KANK1: variants seen among roughly 807,000 people sequenced by gnomAD.
KANK1 encodes KN motif and ankyrin repeat domain-containing protein 1.
A neutral mutation model predicts 106.2 loss-of-function variants in KANK1; 109 were observed. The ratio of observed to expected loss-of-function variants is 1.03; its 90% CI spans 0.88 to 1.20. KANK1 has a LOEUF of 1.20. KANK1 is among the 50% of genes most tolerant of loss of function. The pLI is 0.00. For synonymous variants in KANK1, 873 were observed against 652.2 expected (o/e 1.34, Z -5.16); for missense variants, 2,399 against 1,710.7 (o/e 1.40, Z -7.10).
At chr9:623,809 G>C (rs1029833152) in intron 1 of KANK1, among the ~76,000 whole-genome samples, 1 of 152,082 alleles carries the variant, frequency 6.6e-6, no homozygotes, top group African/African-American at 2.4e-5. Flanking sequence ...AATTGGTACA[G>C]CCATTATGGA....
chr9:744,102 C>T (rs1248971197), intron 10 of KANK1, among the ~76,000 whole-genome samples: 1 of 152,144 alleles, frequency 6.6e-6, no homozygotes, highest in Non-Finnish European at 1.5e-5. Context: ...ATCACAGTGC[C>T]CTCTCTAAGA....
chr9:483,927 T>C (rs2058249188), intron 3 of KANK1, among the ~76,000 whole-genome samples: 1 of 152,156 alleles, frequency 6.6e-6, no homozygotes, highest in Non-Finnish European at 1.5e-5. Context: ...CAGGTATGAT[T>C]TGAAGAGAAG....
intron 11 of KANK1, 86 bp from the exon 12 acceptor site, chr9:745,087 G>A (rs1836840897): frequency 7.7e-6 from 12 of 1,555,406 alleles, no homozygotes; most frequent in Non-Finnish European, 1.0e-5. Flanking sequence ...TGTTGCCTGT[G>A]GTGGGCCAAG....
chr9:560,535 C>T (rs764431921), intron 1 of KANK1, among the ~76,000 whole-genome samples: 9 of 152,134 alleles, frequency 5.9e-5, no homozygotes, highest in Admixed American at 3.9e-4. Context: ...CAGCCAGGAG[C>T]GAAATGTCTT....
chr9:497,127 C>G (rs189486269), intron 3 of KANK1, among the ~76,000 whole-genome samples: 19 of 152,082 alleles, frequency 1.2e-4, no homozygotes, highest in South Asian at 2.1e-4. Flanking sequence ...TCCTTTCAAA[C>G]AGTTGTTTCC....
intron 1 of KANK1, among the ~76,000 whole-genome samples, chr9:595,140 A>G (rs899909017): frequency 1.3e-5 from 2 of 151,872 alleles, no homozygotes; most frequent in African/African-American, 2.4e-5. Flanking sequence ...ATGGCCCGGC[A>G]TGGTGGCACA....
rs1248799769 is a variant in KANK1 at position 731,171 on chromosome 9, T to C, written c.2910T>C (p.Asn970=). 2.5e-6 allele frequency: 4 copies of C among 1,604,974 alleles called. No individual in the cohort carries two copies. The highest frequency in any genetic ancestry group is 3.4e-6 in the Non-Finnish European group (4 of 1,172,732). ...IAAGLYACTN[N]ESTLKSIMKK... is the part of the protein sequence containing the mutation. ...ACTTTTTCACAGCATGTACAAACAA[T>C]GAAAGTACACTGAAGTCCATCATGA... The change falls in exon 5 of 12, where the codon AAT becomes AAC. Residue 970 remains asparagine (N), a synonymous_variant. Transcript: ENST00000382297.
chr9:500,566 C>T (rs1307331641), upstream of KANK1, among the ~76,000 whole-genome samples: 1 of 152,132 alleles, frequency 6.6e-6, no homozygotes, highest in African/African-American at 2.4e-5. Flanking sequence ...CAGAAAACAA[C>T]AAGTGAAACT....
At chr9:607,072 G>A (rs867208021) in intron 1 of KANK1, among the ~76,000 whole-genome samples, 15 of 151,766 alleles carry the variant, frequency 9.9e-5, no homozygotes, top group African/African-American at 3.4e-4. Flanking sequence ...TTAAAACAGG[G>A]TCTTAGACTA....
intron 1 of KANK1, among the ~76,000 whole-genome samples, chr9:518,828 A>C (rs1216575232): frequency 6.6e-6 from 1 of 151,648 alleles, no homozygotes; most frequent in African/African-American, 2.4e-5. Context: ...CAGGGACCCA[A>C]GTCTTGTAGG....
rs535290489 is a variant in KANK1 at position 624,250 on chromosome 9, G to A, written c.-83-52640G>A. ...GCATGGGAGAAACGGTGAGATGCTGGTCAAAGGGTACAAGCTTTCATTTAT... is the reference window on the plus strand; with the variant it reads ...GCATGGGAGAAACGGTGAGATGCTGATCAAAGGGTACAAGCTTTCATTTAT... On this transcript the variant is annotated intron_variant, in intron 1 of 11. Coordinates refer to ENST00000382297, the MANE Select transcript of KANK1 (RefSeq NM_015158.5). Among the ~76,000 whole-genome samples, 10 of 152,240 alleles carry A rather than the reference G, an allele frequency of 6.6e-5. No individual in the cohort carries two copies. The South Asian group carries it at 1.5e-3, about 22-fold the overall frequency.
intron 1 of KANK1, among the ~76,000 whole-genome samples, chr9:595,935 A>G (rs1053302909): frequency 3.9e-5 from 6 of 151,920 alleles, no homozygotes; most frequent in Admixed American, 6.5e-5. Context: ...GCTTGGGACT[A>G]GAAGTATTTC....
At chr9:693,441 T>C (rs2139579911) in intron 2 of KANK1, 6 of 985,446 alleles carry the variant, frequency 6.1e-6, no homozygotes, top group Non-Finnish European at 7.2e-6. Context: ...GGCTTACAGC[T>C]GCATTTCTAG....
intron 1 of KANK1, among the ~76,000 whole-genome samples, chr9:630,592 A>G (rs924555623): frequency 1.3e-5 from 2 of 151,380 alleles, no homozygotes; most frequent in Non-Finnish European, 2.9e-5. Context: ...TTTCAGGTGG[A>G]AGGTGAGAGA....
chr9:725,752 G>A (rs1223168028), intron 3 of KANK1, among the ~76,000 whole-genome samples: 1 of 152,100 alleles, frequency 6.6e-6, no homozygotes, highest in Admixed American at 6.6e-5. Context: ...TTCTTATGAA[G>A]AATAGAACTC....
chr9:729,913 G>T lies in KANK1; in HGVS notation c.2699-138G>T, dbSNP rs375477394. The T allele has an allele frequency of 3.3e-5, 23 of 695,420 alleles. 1 individual carries two copies. The African/African-American group carries it at 4.0e-4, about 12-fold the overall frequency. 43.1% of individuals were successfully genotyped at this position (695,420 alleles called of 1,614,324 possible). A position where few individuals can be genotyped will look rare whatever the true frequency, so the allele number is the denominator to read the frequency against. ...CGCTAATGAAATCAGGAAAGCTGGAGCGTCAAAGGGGCTTCTGAGTTTTGG... is the reference window on the plus strand; with the variant it reads ...CGCTAATGAAATCAGGAAAGCTGGATCGTCAAAGGGGCTTCTGAGTTTTGG... On this transcript the variant is annotated intron_variant, in intron 3 of 11. Transcript: ENST00000382297.
intron 1 of KANK1, among the ~76,000 whole-genome samples, chr9:509,077 G>A (rs188832483): frequency 6.6e-6 from 1 of 152,228 alleles, no homozygotes; most frequent in East Asian, 1.9e-4. Context: ...GCAGAGTTTG[G>A]CAAATGGACA....
chr9:483,774 G>A (rs1397248014), intron 3 of KANK1, among the ~76,000 whole-genome samples: 3 of 152,140 alleles, frequency 2.0e-5, no homozygotes, highest in Non-Finnish European at 2.9e-5. Context: ...AGAGGAGAGG[G>A]CTGGACAGGC....
chr9:671,369 G>A (rs1158527384), intron 1 of KANK1, among the ~76,000 whole-genome samples: 1 of 151,720 alleles, frequency 6.6e-6, no homozygotes, highest in Non-Finnish European at 1.5e-5. Context: ...ACTGGGGCCG[G>A]GCGCGGTGGC....
Sources: gnomAD v4.1 joint callset for allele counts (sites outside exome capture counted in the v4.1 genomes callset) on GRCh38, gnomAD v4.1.1 for gene constraint, MANE v1.5 for transcripts, NCBI Gene and HGNC (gene_info 2026-07-23, HGNC 2026-07-21) for gene names.